Variants in SMCHD1 observed in about 807,000 individuals in gnomAD.
SMCHD1 encodes the protein structural maintenance of chromosomes flexible hinge domain containing 1.
A neutral mutation model predicts 254.7 loss-of-function variants in SMCHD1; 78 were observed. The ratio of observed to expected loss-of-function variants is 0.31; its 90% CI spans 0.26 to 0.37. The LOEUF (loss-of-function observed/expected upper bound fraction) is 0.37. Ranked by LOEUF, SMCHD1 falls within the 10% of genes least tolerant of loss-of-function variation. The pLI is 1.00. For synonymous variants in SMCHD1, 766 were observed against 794.9 expected (o/e 0.96, Z 0.61); for missense variants, 1,840 against 2,408.1 (o/e 0.76, Z 4.94).
chr18:2,703,980 TA>T, intron 13 of SMCHD1, 94 bp downstream of exon 13: 2 of 1,047,746 alleles, frequency 1.9e-6, no homozygotes, highest in Non-Finnish European at 2.6e-6. Context: ...AAGCTATTTT[TA>T]AAAATTTCTT....
chr18:2,691,628 G>A (rs2074182788), intron 7 of SMCHD1: 1 of 152,168 alleles, frequency 6.6e-6, no homozygotes, highest in Non-Finnish European at 1.5e-5. Flanking sequence ...AGACCATCCT[G>A]GGCCTTTTAA....
chr18:2,700,450 G>T (rs1021786595), intron 10 of SMCHD1, 89 bp from the exon 11 acceptor site: 47 of 1,368,450 alleles, frequency 3.4e-5, no homozygotes, highest in Admixed American at 7.8e-5. Flanking sequence ...AGGTTTTATA[G>T]AATGCAATTT....
intron 5 of SMCHD1, among the ~76,000 whole-genome samples, chr18:2,680,669 A>G (rs986113885): frequency 6.6e-6 from 1 of 152,172 alleles, no homozygotes; most frequent in Non-Finnish European, 1.5e-5. Flanking sequence ...AAATGACCTA[A>G]TTATTGAGTC....
At chr18:2,757,811 C>T (rs1446600272) in intron 34 of SMCHD1, among the ~76,000 whole-genome samples, 1 of 151,888 alleles carries the variant, frequency 6.6e-6, no homozygotes, top group Admixed American at 6.6e-5. Flanking sequence ...TCTATTTTTT[C>T]TCTTAGTTTA....
At chr18:2,668,116 G>C (rs1204976010) in intron 3 of SMCHD1, among the ~76,000 whole-genome samples, 2 of 152,230 alleles carry the variant, frequency 1.3e-5, no homozygotes, top group South Asian at 2.1e-4. Context: ...CTGACCTCAA[G>C]TGATCCTCCC....
At position 2,764,485 on chromosome 18, in the gene SMCHD1, G is replaced by A. The variant is rs560193086; in HGVS notation, c.4719+696G>A. Among the ~76,000 whole-genome samples, 4 of 152,144 alleles carry A rather than the reference G, an allele frequency of 2.6e-5. No homozygotes were observed. In the East Asian group the frequency reaches 7.7e-4, roughly 29 times the overall value. On this transcript the variant is annotated intron_variant, in intron 37 of 47. Coordinates refer to ENST00000320876, the MANE Select transcript of SMCHD1 (RefSeq NM_015295.3). ...TTGATCAATCCTTAGTGAAAATTTA[G>A]TTCTTTTCTAAAGTTTGTTTTTATC...
intron 7 of SMCHD1, among the ~76,000 whole-genome samples, chr18:2,689,858 A>G (rs930084118): frequency 6.8e-6 from 1 of 146,570 alleles, no homozygotes; most frequent in Non-Finnish European, 1.5e-5. Context: ...CTACTAAAAA[A>G]AAAAAAAAAA....
chr18:2,766,177 T>C (rs959876426), intron 37 of SMCHD1, among the ~76,000 whole-genome samples: 2 of 152,174 alleles, frequency 1.3e-5, no homozygotes, highest in African/African-American at 2.4e-5. Context: ...GTATTTTTAG[T>C]AGCGACGGGG....
chr18:2,707,493 C>A, intron 15 of SMCHD1, 70 bp from the exon 16 acceptor site: 2 of 888,116 alleles, frequency 2.3e-6, no homozygotes, highest in South Asian at 1.7e-5. Context: ...TTTCTAATAA[C>A]TCGTATCTTT....
At position 2,772,391 on chromosome 18, in the gene SMCHD1, T is replaced by C. The variant is rs1203735563; in HGVS notation, c.5175+19T>C. On this transcript the variant is annotated intron_variant, in intron 41 of 47. Transcript: ENST00000320876. ...GGGAAAGGTTTGTGTTTATTAAGCCTTTTGAAAGGCAGTACATTTTATTAT... is the reference window on the plus strand; with the variant it reads ...GGGAAAGGTTTGTGTTTATTAAGCCCTTTGAAAGGCAGTACATTTTATTAT... 6.5e-7 allele frequency: 1 copy of C among 1,527,276 alleles called. No homozygotes were observed. Among genetic ancestry groups the C allele is most frequent in the Non-Finnish European group, 8.8e-7 (1 of 1,141,794 alleles). 94.6% of individuals were successfully genotyped at this position (1,527,276 alleles called of 1,614,324 possible).
Position 2,748,376 on chromosome 18 carries a change from G to GTA in SMCHD1, c.3927+730_3927+731insAT, listed in dbSNP as rs762343246. ...TGTGTGTGTGTGTGTGTGTGTGTGT[G>GTA]TGTGTGTATATAAATTTTTTTTTTT... On this transcript the variant is annotated intron_variant, in intron 30 of 47. Coordinates refer to ENST00000320876, the MANE Select transcript of SMCHD1 (RefSeq NM_015295.3). 4.9e-3 allele frequency among the ~76,000 whole-genome samples: 137 copies of GTA among 27,936 alleles called. 8 individuals are homozygous for GTA. Among genetic ancestry groups the GTA allele is most frequent in the Middle Eastern group, 0.029 (2 of 70 alleles). The allele number at this position is 27,936 out of a possible 152,430, so 18.3% of individuals were successfully genotyped here. A position where few individuals can be genotyped will look rare whatever the true frequency, so the allele number is the denominator to read the frequency against.
chr18:2,656,303 G>A, intron 1 of SMCHD1, 42 bp downstream of exon 1: 1 of 1,413,936 alleles, frequency 7.1e-7, no homozygotes, highest in African/African-American at 1.5e-5. Flanking sequence ...GTAGACTTGG[G>A]GGCGGGAGGG....
At chr18:2,743,334 G>A (rs1419682844) in intron 28 of SMCHD1, among the ~76,000 whole-genome samples, 1 of 152,134 alleles carries the variant, frequency 6.6e-6, no homozygotes, top group South Asian at 2.1e-4. Flanking sequence ...GGGATAGATA[G>A]TATGCCAATA....
chr18:2,707,220 C>T (rs191274646), intron 15 of SMCHD1, among the ~76,000 whole-genome samples: 1 of 152,032 alleles, frequency 6.6e-6, no homozygotes, highest in South Asian at 2.1e-4. Context: ...GCTAATGATG[C>T]AATCATTTTG....
At chr18:2,695,605 C>T (rs562740068) in intron 8 of SMCHD1, among the ~76,000 whole-genome samples, 4 of 152,178 alleles carry the variant, frequency 2.6e-5, no homozygotes, top group African/African-American at 4.8e-5. Context: ...CCATCGCGCC[C>T]GGCCTAAAAT....
chr18:2,731,685 A>G (rs2075142737), intron 24 of SMCHD1, among the ~76,000 whole-genome samples: 1 of 152,210 alleles, frequency 6.6e-6, no homozygotes, highest in South Asian at 2.1e-4. Context: ...TTAAAATTTC[A>G]CAAGATGGCA....
chr18:2,766,820 A>G (rs2075876949), intron 37 of SMCHD1, among the ~76,000 whole-genome samples: 1 of 152,106 alleles, frequency 6.6e-6, no homozygotes, highest in Admixed American at 6.5e-5. Context: ...ACTTGGATCC[A>G]GTTTGGGACT....
chr18:2,747,474 T>C, intron 29 of SMCHD1, 48 bp from the exon 30 acceptor site: 1 of 1,510,762 alleles, frequency 6.6e-7, no homozygotes, highest in Non-Finnish European at 9.1e-7. Context: ...ATTGCATTGT[T>C]TGGCCCATAT....
At chr18:2,763,982 T>G in intron 37 of SMCHD1, 193 bp downstream of exon 37, 1 of 499,374 alleles carries the variant, frequency 2.0e-6, no homozygotes, top group Non-Finnish European at 3.4e-6. Context: ...AAGACTCTCG[T>G]TTTTCCTATG....
Sources: allele counts gnomAD v4.1 joint callset (sites outside exome capture counted in the v4.1 genomes callset), GRCh38; gene constraint gnomAD v4.1.1; transcripts MANE v1.5; gene names NCBI Gene and HGNC (gene_info 2026-07-23, HGNC 2026-07-21).